The following TRAF3IP1 variants were observed in gnomAD, a reference collection of about 807,000 sequenced individuals.
TRAF3IP1 encodes intraflagellar transport 54, also known as TRAF3-interacting protein 1.
Under a neutral mutation model 89.9 loss-of-function variants are expected in TRAF3IP1, and 53 were observed. The observed-to-expected ratio is 0.59, with a 90% CI of 0.47 to 0.74. The LOEUF (loss-of-function observed/expected upper bound fraction) is 0.74. TRAF3IP1 is among the 30% of genes least tolerant of loss of function. The probability of loss-of-function intolerance (pLI) is 0.00; values close to 1 mark genes in which losing one functional copy is unlikely to be tolerated. For synonymous variants in TRAF3IP1, 311 were observed against 322.1 expected, an observed-to-expected ratio of 0.97 and a Z score of 0.37; for missense variants, 806 against 866.1, an observed-to-expected ratio of 0.93 and a Z score of 0.87.
At chr2:238,324,800 C>T (rs1697737443) in intron 1 of TRAF3IP1, among the ~76,000 whole-genome samples, 1 of 152,050 alleles carries the variant, frequency 6.6e-6, no homozygotes. Context: ...GACAGGGTTT[C>T]ACCATGTTGG....
intron 7 of TRAF3IP1, among the ~76,000 whole-genome samples, chr2:238,334,912 C>T (rs561853728): frequency 6.6e-6 from 1 of 152,166 alleles, no homozygotes; most frequent in Non-Finnish European, 1.5e-5. Flanking sequence ...CACACCTTCT[C>T]CAGTGTTGTT....
intron 14 of TRAF3IP1, 31 bp downstream of exon 14, chr2:238,353,240 T>A (rs1699252691): frequency 6.2e-7 from 1 of 1,612,668 alleles, no homozygotes; most frequent in Non-Finnish European, 8.5e-7. Flanking sequence ...TGCATGTATG[T>A]CCATGTGTGT....
chr2:238,328,620 T>A, intron 3 of TRAF3IP1, 66 bp from the exon 4 acceptor site: 1 of 1,544,172 alleles, frequency 6.5e-7, no homozygotes, highest in Non-Finnish European at 8.8e-7. Flanking sequence ...ATGGCGATGT[T>A]CTATTTGTTA....
At position 238,338,927 on chromosome 2, in the gene TRAF3IP1, G is replaced by A. The variant is rs1448920173; in HGVS notation, c.1159+470G>A. 2.0e-5 allele frequency among the ~76,000 whole-genome samples: 3 copies of A among 152,194 alleles called. 1 individual carries two copies. The highest frequency in any genetic ancestry group is 3.9e-4 in the East Asian group (2 of 5,194). On this transcript the variant is annotated intron_variant, in intron 8 of 16. Transcript: ENST00000373327. ...CGTGTGGTGGGTGTGCCCAGCCCTCGTCCTGCTGCCTCAGAGGGGGTGGTC... is the reference window on the plus strand; with the variant it reads ...CGTGTGGTGGGTGTGCCCAGCCCTCATCCTGCTGCCTCAGAGGGGGTGGTC...
At chr2:238,328,607 T>C in intron 3 of TRAF3IP1, 79 bp from the exon 4 acceptor site, 1 of 1,499,986 alleles carries the variant, frequency 6.7e-7, no homozygotes, top group East Asian at 2.3e-5. Context: ...GAGCTATCTT[T>C]GAATGGCGAT....
chr2:238,366,368 AT>A (rs902948092), intron 15 of TRAF3IP1, among the ~76,000 whole-genome samples: 13 of 152,370 alleles, frequency 8.5e-5, no homozygotes, highest in African/African-American at 3.1e-4. Context: ...TATAAAGATA[AT>A]TAGGAGGAGA....
intron 12 of TRAF3IP1, among the ~76,000 whole-genome samples, chr2:238,349,940 G>A (rs866246772): frequency 9.2e-5 from 14 of 152,072 alleles, no homozygotes; most frequent in African/African-American, 1.9e-4. Flanking sequence ...GCGTGGTGGC[G>A]TGTGCCTGTA....
Position 238,328,979 on chromosome 2 carries a change from G to A in TRAF3IP1, c.552G>A (p.Gln184=). Residue 184 remains glutamine (Q), a synonymous_variant, in exon 5 of 17, where the codon CAG becomes CAA. Transcript: ENST00000373327. ...GAAGTACAAGCAGAGATCGAAAACA[G>A]AAGGAAGAATTGAAAGAAGACCGCA... The part of the protein sequence containing the change: ...KERSTSRDRK[Q]KEELKEDRKP... 1 of 1,552,740 alleles carries A rather than the reference G, an allele frequency of 6.4e-7. No homozygotes were observed. The highest frequency in any genetic ancestry group is 8.7e-7 in the Non-Finnish European group (1 of 1,148,046).
At chr2:238,331,257 G>A (rs1051633471) in intron 5 of TRAF3IP1, among the ~76,000 whole-genome samples, 4 of 148,708 alleles carry the variant, frequency 2.7e-5, no homozygotes, top group Admixed American at 6.7e-5. Context: ...TCAAGAGATC[G>A]AGACCATCCT....
chr2:238,365,509 A>G (rs1699835422), intron 15 of TRAF3IP1, among the ~76,000 whole-genome samples: 1 of 151,992 alleles, frequency 6.6e-6, no homozygotes, highest in African/African-American at 2.4e-5. Context: ...AAAATTAAAA[A>G]CAATCAGACA....
intron 8 of TRAF3IP1, among the ~76,000 whole-genome samples, chr2:238,344,253 A>G (rs1399143304): frequency 6.6e-6 from 1 of 152,114 alleles, no homozygotes; most frequent in Non-Finnish European, 1.5e-5. Context: ...TCCTGGCCTG[A>G]GTAGACCAAG....
intron 10 of TRAF3IP1, 35 bp from the exon 11 acceptor site, chr2:238,348,729 C>T (rs750367568): frequency 7.6e-6 from 12 of 1,573,578 alleles, no homozygotes; most frequent in Non-Finnish European, 1.0e-5. Flanking sequence ...GTGTGTTTTC[C>T]TTTGTGAATT....
At chr2:238,361,812 GA>G (rs60671921) in intron 15 of TRAF3IP1, among the ~76,000 whole-genome samples, 17,739 of 152,102 alleles carry the variant, frequency 0.12, 1,757 homozygotes, top group African/African-American at 0.27. Context: ...ATTTTGACCG[GA>G]ATCGTATTGA....
In TRAF3IP1 at chr2:238,332,850, A is replaced by G; in HGVS notation, c.942A>G (p.Lys314=). ...CAGCAAGCTCAGGGGAGATGTCTAAAAAGTTATCAGATGGAACTTTTAAAG... is the reference window on the plus strand; with the variant it reads ...CAGCAAGCTCAGGGGAGATGTCTAAGAAGTTATCAGATGGAACTTTTAAAG... ...KKSASSGEMS[K]KLSDGTFKDS... is the part of the protein sequence containing the mutation. Residue 314 remains lysine, a synonymous_variant, in exon 6 of 17, where the codon AAA becomes AAG. Transcript: ENST00000373327. 1.2e-6 allele frequency: 2 copies of G among 1,613,638 alleles called. No homozygotes were observed. Among genetic ancestry groups the G allele is most frequent in the East Asian group, 4.5e-5 (2 of 44,880 alleles).
In TRAF3IP1 at chr2:238,369,691, G is replaced by A. The variant is rs186004189; in HGVS notation, c.1689+13611G>A. 2.6e-5 allele frequency among the ~76,000 whole-genome samples: 4 copies of A among 152,318 alleles called. No individual in the cohort carries two copies. The East Asian group carries it at 7.7e-4, about 29-fold the overall frequency. On this transcript the variant is annotated intron_variant, in intron 15 of 16. Coordinates refer to ENST00000373327, the MANE Select transcript of TRAF3IP1 (RefSeq NM_015650.4). ...TTGTTCCTGACTGCAGACGCTCTCC[G>A]TGGCCTCTCGATGTGGATGCTGTCT...
chr2:238,341,360 T>TA (rs950344003), intron 8 of TRAF3IP1, among the ~76,000 whole-genome samples: 5 of 152,002 alleles, frequency 3.3e-5, no homozygotes, highest in Admixed American at 6.6e-5. Flanking sequence ...CAAAGTATGT[T>TA]AAAAAAACAT....
chr2:238,335,886 C>T (rs1218620772), intron 7 of TRAF3IP1, among the ~76,000 whole-genome samples: 1 of 151,834 alleles, frequency 6.6e-6, no homozygotes, highest in East Asian at 1.9e-4. Flanking sequence ...TGCAACCTCA[C>T]TGCAAGTGAT....
At chr2:238,349,066 T>C (rs893216644) in intron 11 of TRAF3IP1, among the ~76,000 whole-genome samples, 1 of 152,220 alleles carries the variant, frequency 6.6e-6, no homozygotes, top group Admixed American at 6.5e-5. Flanking sequence ...TTCAAAATTA[T>C]AGCTGAATTA....
chr2:238,386,164 C>T (rs1378751104), intron 15 of TRAF3IP1, among the ~76,000 whole-genome samples: 3 of 152,184 alleles, frequency 2.0e-5, no homozygotes, highest in Non-Finnish European at 4.4e-5. Flanking sequence ...GGGGAGCTGG[C>T]AAGCTGGGAT....
Sources: gnomAD v4.1 joint callset for allele counts (sites outside exome capture counted in the v4.1 genomes callset) on GRCh38, gnomAD v4.1.1 for gene constraint, MANE v1.5 for transcripts, NCBI Gene and HGNC (gene_info 2026-07-23, HGNC 2026-07-21) for gene names.